CNBD1: variants seen among roughly 807,000 people sequenced by gnomAD.
CNBD1 encodes the protein cyclic nucleotide binding domain containing 1.
A neutral mutation model predicts 54.4 loss-of-function variants in CNBD1; 71 were observed. That is an observed-to-expected ratio of 1.30 (90% CI 1.08 to 1.59). CNBD1 has a LOEUF of 1.59. Among genes scored for constraint, CNBD1 ranks in the 40% most tolerant of loss-of-function variants. CNBD1 has a pLI of 0.00. For missense variants in CNBD1, 659 were observed against 518.0 expected (o/e 1.27, Z -2.64); for synonymous variants, 182 against 170.7 (o/e 1.07, Z -0.51).
chr8:87,143,301 G>C (rs1250797212), intron 4 of CNBD1, among the ~76,000 whole-genome samples: 1 of 152,078 alleles, frequency 6.6e-6, no homozygotes, highest in East Asian at 1.9e-4. Flanking sequence ...TTCTAAGTTT[G>C]GGCTAACTAA....
At chr8:87,391,269 A>T (rs189283436) in intron 2 of CNBD1, among the ~76,000 whole-genome samples, 38 of 152,172 alleles carry the variant, frequency 2.5e-4, no homozygotes, top group African/African-American at 8.7e-4. Context: ...AATAAAAAAA[A>T]GATAACGATT....
intron 4 of CNBD1, among the ~76,000 whole-genome samples, chr8:87,022,652 C>T (rs1476224982): frequency 6.6e-6 from 1 of 152,172 alleles, no homozygotes; most frequent in Non-Finnish European, 1.5e-5. Flanking sequence ...ATTGCGTACA[C>T]ATTTATACTT....
rs765058651 is a variant in CNBD1, at chr8:87,165,420, A to T, written c.432-40573A>T. Among the ~76,000 whole-genome samples, 7 of 152,042 alleles carry T rather than the reference A, an allele frequency of 4.6e-5. No individual in the cohort carries two copies. In the South Asian group the frequency reaches 8.3e-4, roughly 18 times the overall value. On this transcript the variant is annotated intron_variant, in intron 4 of 10. Coordinates refer to ENST00000518476, the MANE Select transcript of CNBD1 (RefSeq NM_173538.3). Reference sequence around the variant, plus strand: ...TTTCAGTTGTTAATATTTGCTTTATATACTTAGGTGTTCTGATGTTGGGTG... The same window carrying T: ...TTTCAGTTGTTAATATTTGCTTTATTTACTTAGGTGTTCTGATGTTGGGTG...
At chr8:87,171,449 A>T (rs879498805) in intron 4 of CNBD1, among the ~76,000 whole-genome samples, 4 of 144,622 alleles carry the variant, frequency 2.8e-5, no homozygotes, top group East Asian at 3.9e-4. Context: ...TTTTATCTTT[A>T]AAAAAAAACC....
chr8:87,400,512 G>T (rs774237483), intron 2 of CNBD1, among the ~76,000 whole-genome samples: 4 of 151,952 alleles, frequency 2.6e-5, no homozygotes, highest in Non-Finnish European at 4.4e-5. Flanking sequence ...GTGGCAGTGT[G>T]TTGATCAATT....
intron 4 of CNBD1, among the ~76,000 whole-genome samples, chr8:87,126,369 T>A (rs1414222910): frequency 6.6e-6 from 1 of 152,060 alleles, no homozygotes; most frequent in Non-Finnish European, 1.5e-5. Context: ...CCCTTTGTGG[T>A]TTGAATTTGC....
chr8:87,325,768 C>G (rs10106088), intron 8 of CNBD1, among the ~76,000 whole-genome samples: 1 of 148,286 alleles, frequency 6.7e-6, no homozygotes, highest in Non-Finnish European at 1.5e-5. Flanking sequence ...ACTTGCCAGT[C>G]TGTGTCTTTT....
intron 4 of CNBD1, among the ~76,000 whole-genome samples, chr8:87,003,990 T>C (rs1428947320): frequency 6.6e-6 from 1 of 152,162 alleles, no homozygotes; most frequent in Non-Finnish European, 1.5e-5. Flanking sequence ...GAACAAGGAA[T>C]GAATCTAGTA....
chr8:87,347,504 G>A (rs565501326), intron 8 of CNBD1, among the ~76,000 whole-genome samples: 4 of 149,588 alleles, frequency 2.7e-5, no homozygotes, highest in Admixed American at 2.7e-4. Context: ...TATACAATAA[G>A]TATAAGCAAT....
chr8:87,411,306 TG>T (rs752239183), intron 2 of CNBD1, among the ~76,000 whole-genome samples: 42 of 150,330 alleles, frequency 2.8e-4, no homozygotes, highest in Non-Finnish European at 5.8e-4. Flanking sequence ...TACAACCCTA[TG>T]TTTAACTTGT....
In CNBD1 at chr8:86,866,457, A is replaced by G. The variant is rs1808361717; in HGVS notation, c.-39A>G. On this transcript the variant is annotated 5_prime_UTR_variant, in exon 1 of 11. Transcript: ENST00000518476. ...GCAAAGAGTGATCATTTGCCTCTCA[A>G]GCAGCCTCTGGTCATCTATCTGCCT... is the stretch of plus-strand genomic sequence containing the variant. The G allele has an allele frequency of 6.7e-7, 1 of 1,494,208 alleles. No individual in the cohort carries two copies. Among genetic ancestry groups the G allele is most frequent in the Non-Finnish European group, 9.2e-7 (1 of 1,081,320 alleles). 92.6% of individuals were successfully genotyped at this position (1,494,208 alleles called of 1,614,324 possible). A position where few individuals can be genotyped will look rare whatever the true frequency, so the allele number is the denominator to read the frequency against.
intron 8 of CNBD1, among the ~76,000 whole-genome samples, chr8:87,289,506 A>T (rs1808750439): frequency 3.3e-5 from 5 of 152,136 alleles, no homozygotes. Flanking sequence ...GGATATAAGA[A>T]AAAATGGTAA....
chr8:87,348,206 C>A (rs1365662426), intron 8 of CNBD1, among the ~76,000 whole-genome samples: 1 of 152,090 alleles, frequency 6.6e-6, no homozygotes, highest in East Asian at 1.9e-4. Context: ...AAACTTCATT[C>A]TTCTCAGATG....
At chr8:86,889,794 T>A (rs1249384481) in intron 2 of CNBD1, among the ~76,000 whole-genome samples, 1 of 152,130 alleles carries the variant, frequency 6.6e-6, no homozygotes, top group Admixed American at 6.6e-5. Flanking sequence ...TCCTTGACAT[T>A]TGGCATAGAG....
At chr8:86,996,014 C>T (rs186954702) in intron 4 of CNBD1, among the ~76,000 whole-genome samples, 40 of 152,296 alleles carry the variant, frequency 2.6e-4, no homozygotes, top group Non-Finnish European at 1.0e-4. Flanking sequence ...CTTATACCCC[C>T]AGTCTAATTT....
intron 4 of CNBD1, among the ~76,000 whole-genome samples, chr8:87,011,464 G>A (rs1809220467): frequency 6.6e-6 from 1 of 151,900 alleles, no homozygotes; most frequent in African/African-American, 2.4e-5. Flanking sequence ...ATTTGTTCTT[G>A]TTGAAAAATC....
chr8:87,161,578 A>C (rs544322526), intron 4 of CNBD1, among the ~76,000 whole-genome samples: 254 of 152,254 alleles, frequency 1.7e-3, no homozygotes, highest in South Asian at 3.1e-3. Flanking sequence ...AGTACACATA[A>C]AATCAGTCTA....
intron 2 of CNBD1, among the ~76,000 whole-genome samples, chr8:87,424,750 A>C (rs185205954): frequency 6.6e-6 from 1 of 152,232 alleles, no homozygotes; most frequent in Non-Finnish European, 1.5e-5. Flanking sequence ...GGCTGCCCTT[A>C]ACCTTTTTTC....
At chr8:87,157,531 T>C (rs1329734998) in intron 4 of CNBD1, among the ~76,000 whole-genome samples, 1 of 152,186 alleles carries the variant, frequency 6.6e-6, no homozygotes, top group East Asian at 1.9e-4. Context: ...GGGACACATT[T>C]GGTATTCTTT....
Sources: gnomAD v4.1 joint callset for allele counts (sites outside exome capture counted in the v4.1 genomes callset) on GRCh38, gnomAD v4.1.1 for gene constraint, MANE v1.5 for transcripts, NCBI Gene and HGNC (gene_info 2026-07-23, HGNC 2026-07-21) for gene names.